Variants in CNTNAP2 observed in about 807,000 individuals in gnomAD.
The protein encoded by CNTNAP2 is contactin associated protein 2.
CNTNAP2 carries 98 observed loss-of-function variants against 155.2 expected under a neutral mutation model. The ratio of observed to expected loss-of-function variants is 0.63; its 90% confidence interval spans 0.54 to 0.75. The LOEUF is 0.75. CNTNAP2 is among the 30% of genes least tolerant of loss of function. CNTNAP2 has a pLI of 0.00. For synonymous variants in CNTNAP2, 651 were observed against 631.2 expected, an observed-to-expected ratio of 1.03 and a Z score of -0.47; for missense variants, 1,727 against 1,688.1, an observed-to-expected ratio of 1.02 and a Z score of -0.40.
chr7:148,234,935 T>C (rs1796020143), intron 20 of CNTNAP2, among the ~76,000 whole-genome samples: 1 of 152,206 alleles, frequency 6.6e-6, no homozygotes, highest in Non-Finnish European at 1.5e-5. Flanking sequence ...GGATGTATCA[T>C]TTTGGCTTTC....
At chr7:148,055,653 G>T (rs1387122500) in intron 15 of CNTNAP2, among the ~76,000 whole-genome samples, 1 of 152,166 alleles carries the variant, frequency 6.6e-6, no homozygotes, top group Non-Finnish European at 1.5e-5. Context: ...AAGGATAAAT[G>T]GTAGTCCTGT....
intron 13 of CNTNAP2, chr7:147,643,467 T>C (rs959381684): frequency 6.6e-6 from 1 of 152,222 alleles, no homozygotes; most frequent in Admixed American, 6.5e-5. Flanking sequence ...ATATTTTGCA[T>C]ATGTCAAAAC....
At chr7:147,740,491 A>T (rs1796939490) in intron 13 of CNTNAP2, among the ~76,000 whole-genome samples, 1 of 152,190 alleles carries the variant, frequency 6.6e-6, no homozygotes. Flanking sequence ...ATCTTATAAA[A>T]AAATTGTCAG....
intron 3 of CNTNAP2, among the ~76,000 whole-genome samples, chr7:146,971,278 A>G (rs1251672764): frequency 6.6e-6 from 1 of 152,234 alleles, no homozygotes; most frequent in African/African-American, 2.4e-5. Context: ...AGAACTCTTA[A>G]TAAATGTTGA....
At chr7:147,706,451 A>G (rs906466302) in intron 13 of CNTNAP2, among the ~76,000 whole-genome samples, 1 of 151,420 alleles carries the variant, frequency 6.6e-6, no homozygotes, top group African/African-American at 2.4e-5. Context: ...TCAATATATC[A>G]TCTCATTCTT....
intron 13 of CNTNAP2, among the ~76,000 whole-genome samples, chr7:147,692,051 A>G (rs1382568030): frequency 6.6e-6 from 1 of 152,074 alleles, no homozygotes; most frequent in Non-Finnish European, 1.5e-5. Context: ...ACAACTATTG[A>G]TCTTTTTACT....
Position 146,938,720 on chromosome 7 carries a change from T to C in CNTNAP2, c.402+98816T>C, listed in dbSNP as rs535254046. Among the ~76,000 whole-genome samples, 4 of 152,244 alleles carry C rather than the reference T, an allele frequency of 2.6e-5. No individual in the cohort carries two copies. The South Asian group carries it at 8.3e-4, about 32-fold the overall frequency. ...TTTTGAAATGTCTTGCTAATCTTAT[T>C]ATTCTGTATATTCCTTATTAGCCCA... On this transcript the variant is annotated intron_variant, in intron 3 of 23. Coordinates refer to ENST00000361727, the MANE Select transcript of CNTNAP2 (RefSeq NM_014141.6).
At chr7:147,090,264 C>G (rs555761912) in intron 4 of CNTNAP2, among the ~76,000 whole-genome samples, 29 of 152,132 alleles carry the variant, frequency 1.9e-4, no homozygotes. Flanking sequence ...TGTTGCCACT[C>G]CAGCTACTGT....
chr7:146,693,517 C>T (rs892454092), intron 1 of CNTNAP2, among the ~76,000 whole-genome samples: 1 of 151,946 alleles, frequency 6.6e-6, no homozygotes, highest in Admixed American at 6.6e-5. Flanking sequence ...AAGCTAGGCT[C>T]CAGGATACTT....
At chr7:147,028,963 T>TA (rs1563049896) in intron 3 of CNTNAP2, among the ~76,000 whole-genome samples, 1 of 141,386 alleles carries the variant, frequency 7.1e-6, no homozygotes, top group East Asian at 2.0e-4. Context: ...TATGTTCTTT[T>TA]TTTTTTTTTT....
chr7:146,569,028 A>G (rs1373612250), intron 1 of CNTNAP2, among the ~76,000 whole-genome samples: 1 of 150,446 alleles, frequency 6.6e-6, no homozygotes, highest in Non-Finnish European at 1.5e-5. Flanking sequence ...TTATTTATTT[A>G]CTTTTTGAGA....
chr7:146,273,832 CA>C (rs1402659710), intron 1 of CNTNAP2, among the ~76,000 whole-genome samples: 2 of 152,080 alleles, frequency 1.3e-5, no homozygotes, highest in Non-Finnish European at 2.9e-5. Flanking sequence ...CTTCGTAAAA[CA>C]AGGCGATGAC....
At chr7:148,166,422 C>A (rs1249488812) in intron 17 of CNTNAP2, among the ~76,000 whole-genome samples, 2 of 151,626 alleles carry the variant, frequency 1.3e-5, no homozygotes, top group Non-Finnish European at 1.5e-5. Context: ...AGTGGCCAGT[C>A]TCTTTGGGCA....
At chr7:147,798,427 C>G (rs1230130520) in intron 13 of CNTNAP2, among the ~76,000 whole-genome samples, 1 of 152,128 alleles carries the variant, frequency 6.6e-6, no homozygotes, top group East Asian at 1.9e-4. Flanking sequence ...AAAAGCTGTT[C>G]AGAGGTAAGT....
At chr7:148,147,468 T>C (rs1805207494) in intron 16 of CNTNAP2, 23 bp from the exon 17 acceptor site, 1 of 1,610,268 alleles carries the variant, frequency 6.2e-7, no homozygotes, top group Non-Finnish European at 8.5e-7. Context: ...TACTCATGTT[T>C]TTCATGCTTT....
chr7:148,354,178 A>ATTT (rs57278575), intron 21 of CNTNAP2, among the ~76,000 whole-genome samples: 122 of 99,294 alleles, frequency 1.2e-3, no homozygotes, highest in Non-Finnish European at 1.9e-3. Flanking sequence ...GAAACGATTA[A>ATTT]TTTTTTTTTT....
chr7:147,291,397 A>G (rs1425296038), intron 8 of CNTNAP2, among the ~76,000 whole-genome samples: 1 of 152,146 alleles, frequency 6.6e-6, no homozygotes, highest in Non-Finnish European at 1.5e-5. Context: ...TTCTATGAAC[A>G]TATTCATAAA....
At chr7:147,204,883 T>A (rs1223383244) in intron 8 of CNTNAP2, among the ~76,000 whole-genome samples, 1 of 152,152 alleles carries the variant, frequency 6.6e-6, no homozygotes, top group Non-Finnish European at 1.5e-5. Context: ...CATTAATCTC[T>A]TCAGCATGAA....
chr7:147,326,170 C>T (rs925588227), intron 9 of CNTNAP2, among the ~76,000 whole-genome samples: 10 of 152,192 alleles, frequency 6.6e-5, no homozygotes, highest in East Asian at 1.9e-4. Flanking sequence ...GTGATCCGCC[C>T]GCCTTGGCCT....
Sources: gnomAD v4.1 joint callset for allele counts (sites outside exome capture counted in the v4.1 genomes callset) on GRCh38, gnomAD v4.1.1 for gene constraint, MANE v1.5 for transcripts, NCBI Gene and HGNC (gene_info 2026-07-23, HGNC 2026-07-21) for gene names.